Variants in CACNA2D3 observed in about 807,000 individuals in gnomAD.
The protein encoded by CACNA2D3 is voltage-dependent calcium channel subunit alpha-2/delta-3.
CACNA2D3 carries 60 observed loss-of-function variants against 160.6 expected under a neutral mutation model. That is an observed-to-expected ratio of 0.37 (90% CI 0.30 to 0.46). The LOEUF is 0.46. Among genes scored for constraint, CACNA2D3 ranks in the 20% least tolerant of loss-of-function variants. The pLI, the probability that CACNA2D3 is intolerant of heterozygous loss-of-function variation, is 1.00. For missense variants in CACNA2D3, 1,205 were observed against 1,365.0 expected (o/e 0.88, Z 1.85); for synonymous variants, 558 against 492.9 (o/e 1.13, Z -1.75).
chr3:54,423,891 T>A (rs1475386374), intron 4 of CACNA2D3, among the ~76,000 whole-genome samples: 3 of 144,038 alleles, frequency 2.1e-5, no homozygotes, highest in African/African-American at 7.7e-5. Context: ...CTTGAAATTC[T>A]TATTTTTTTT....
At chr3:54,125,104 C>T (rs960506145) in intron 2 of CACNA2D3, among the ~76,000 whole-genome samples, 22 of 152,174 alleles carry the variant, frequency 1.4e-4, no homozygotes, top group African/African-American at 5.3e-4. Context: ...AAGTATTTCT[C>T]ATCTGCACGT....
At chr3:54,186,441 A>T (rs1026492372) in intron 2 of CACNA2D3, among the ~76,000 whole-genome samples, 3 of 152,216 alleles carry the variant, frequency 2.0e-5, no homozygotes, top group Non-Finnish European at 2.9e-5. Flanking sequence ...TAAATTATGC[A>T]TGTAAAACAG....
intron 2 of CACNA2D3, among the ~76,000 whole-genome samples, chr3:54,279,615 C>T (rs1319895156): frequency 6.6e-6 from 1 of 152,190 alleles, no homozygotes; most frequent in Non-Finnish European, 1.5e-5. Context: ...TCTCTGTCCC[C>T]CTGTCTGTTA....
intron 4 of CACNA2D3, among the ~76,000 whole-genome samples, chr3:54,488,914 C>G (rs527352391): frequency 1.6e-4 from 24 of 152,250 alleles, no homozygotes; most frequent in African/African-American, 5.8e-4. Context: ...GGCAGCTGTC[C>G]TAGGCACATG....
At chr3:54,518,537 G>A (rs1264395169) in intron 5 of CACNA2D3, among the ~76,000 whole-genome samples, 1 of 152,184 alleles carries the variant, frequency 6.6e-6, no homozygotes, top group Non-Finnish European at 1.5e-5. Context: ...GGGACCAGCT[G>A]TAGGCTCCTC....
At position 54,898,057 on chromosome 3, in the gene CACNA2D3, C is replaced by T. The variant is rs565471759; in HGVS notation, c.2368+1187C>T. On this transcript the variant is annotated intron_variant, in intron 26 of 37. Coordinates refer to ENST00000474759, the MANE Select transcript of CACNA2D3 (RefSeq NM_018398.3). ...TCTCAAATGTAAATTTCCAGGTGTC[C>T]GAAGCTCGCTTGCTTGCTTGCTTGC... Among the ~76,000 whole-genome samples, 21 of 141,816 alleles carry T rather than the reference C, an allele frequency of 1.5e-4. No individual in the cohort carries two copies. In the South Asian group the frequency reaches 3.5e-3, roughly 24 times the overall value. The allele number at this position is 141,816 out of a possible 152,430, so 93.0% of individuals were successfully genotyped here. A position where few individuals can be genotyped will look rare whatever the true frequency, so the allele number is the denominator to read the frequency against.
At chr3:54,402,764 T>G (rs1255813053) in intron 4 of CACNA2D3, among the ~76,000 whole-genome samples, 1 of 152,142 alleles carries the variant, frequency 6.6e-6, no homozygotes, top group Non-Finnish European at 1.5e-5. Flanking sequence ...TGAACTGCAC[T>G]TCAGAAAAAA....
chr3:55,020,590 C>A (rs1412894064), intron 35 of CACNA2D3, among the ~76,000 whole-genome samples: 2 of 151,798 alleles, frequency 1.3e-5, no homozygotes, highest in Non-Finnish European at 2.9e-5. Context: ...TGGCTCACGC[C>A]TGTAATCTCA....
At chr3:54,286,335 G>T (rs997755909) in intron 2 of CACNA2D3, among the ~76,000 whole-genome samples, 1 of 152,206 alleles carries the variant, frequency 6.6e-6, no homozygotes, top group Non-Finnish European at 1.5e-5. Flanking sequence ...ATCAGCAATG[G>T]AAGATGAAAT....
intron 11 of CACNA2D3, among the ~76,000 whole-genome samples, chr3:54,735,363 G>T (rs778558459): frequency 4.6e-5 from 7 of 152,138 alleles, no homozygotes; most frequent in Non-Finnish European, 7.3e-5. Context: ...ATCACATTGA[G>T]CACAGGACAC....
chr3:54,520,206 C>CT (rs2106986695), intron 5 of CACNA2D3, among the ~76,000 whole-genome samples: 1 of 152,338 alleles, frequency 6.6e-6, no homozygotes, highest in East Asian at 1.9e-4. Context: ...TCTTCCTGGC[C>CT]TTTCTCACAT....
intron 8 of CACNA2D3, among the ~76,000 whole-genome samples, chr3:54,577,942 C>A (rs548509537): frequency 6.6e-6 from 1 of 152,238 alleles, no homozygotes; most frequent in South Asian, 2.1e-4. Flanking sequence ...CATCCGAGTC[C>A]CCGTATGCTA....
chr3:54,552,349 C>G (rs1702172483), intron 5 of CACNA2D3, among the ~76,000 whole-genome samples: 1 of 152,156 alleles, frequency 6.6e-6, no homozygotes, highest in Non-Finnish European at 1.5e-5. Flanking sequence ...TAGGTGTCAC[C>G]TAATTATTTG....
chr3:54,969,942 T>A, intron 29 of CACNA2D3, 98 bp downstream of exon 29: 1 of 1,018,272 alleles, frequency 9.8e-7, no homozygotes, highest in Admixed American at 2.1e-5. Flanking sequence ...AAGGCCAGGT[T>A]GACGCATTGT....
At chr3:54,539,704 G>A (rs1701941763) in intron 5 of CACNA2D3, among the ~76,000 whole-genome samples, 1 of 152,172 alleles carries the variant, frequency 6.6e-6, no homozygotes, top group Admixed American at 6.5e-5. Flanking sequence ...TTCAAAATTG[G>A]TAAAGCTCAA....
intron 13 of CACNA2D3, among the ~76,000 whole-genome samples, chr3:54,803,817 T>A (rs1257314360): frequency 1.3e-5 from 2 of 152,176 alleles, no homozygotes; most frequent in Non-Finnish European, 1.5e-5. Flanking sequence ...AAGGTCGGAT[T>A]ACCCACAAAG....
chr3:54,307,586 C>G (rs1489887816), intron 2 of CACNA2D3, among the ~76,000 whole-genome samples: 1 of 152,148 alleles, frequency 6.6e-6, no homozygotes, highest in African/African-American at 2.4e-5. Flanking sequence ...CAATGAAAAG[C>G]TAGGGTCCAG....
chr3:54,397,688 GTTATA>G (rs1355341086), intron 4 of CACNA2D3, among the ~76,000 whole-genome samples: 1 of 30,718 alleles, frequency 3.3e-5, no homozygotes, highest in Non-Finnish European at 5.6e-5. Flanking sequence ...GAGATAGTTT[GTTATA>G]ATTTCTGTTC....
At chr3:54,294,374 T>G (rs1703290005) in intron 2 of CACNA2D3, among the ~76,000 whole-genome samples, 1 of 152,198 alleles carries the variant, frequency 6.6e-6, no homozygotes, top group Non-Finnish European at 1.5e-5. Flanking sequence ...TTAGGCCCCC[T>G]GGTGACAAGA....
Sources: allele counts gnomAD v4.1 joint callset (sites outside exome capture counted in the v4.1 genomes callset), GRCh38; gene constraint gnomAD v4.1.1; transcripts MANE v1.5; gene names NCBI Gene and HGNC (gene_info 2026-07-23, HGNC 2026-07-21).